UTS2: variants seen among roughly 807,000 people sequenced by gnomAD.
The protein encoded by UTS2 is urotensin 2.
Under a neutral mutation model 12.6 loss-of-function variants are expected in UTS2, and 10 were observed. That is an observed-to-expected ratio of 0.80 (90% CI 0.49 to 1.35). UTS2 has a LOEUF of 1.35. UTS2 is among the 40% of genes most tolerant of loss of function. The pLI is 0.00. For missense variants in UTS2, 142 were observed against 143.2 expected (o/e 0.99, Z 0.04); for synonymous variants, 52 against 50.0 (o/e 1.04, Z -0.17).
chr1:7,851,077 G>C lies in UTS2; in HGVS notation c.104-155C>G, dbSNP rs184753681. The stretch of plus-strand genomic sequence containing the variant: ...ACGTGTCATCAGTGGTATTCTAGAA[G>C]AGGTGGAAATGCTACCAGCCCGTGT... On this transcript the variant is annotated intron_variant, in intron 1 of 3. Coordinates refer to ENST00000361696, the MANE Select transcript of UTS2 (RefSeq NM_006786.4). 4.6e-4 allele frequency among the ~76,000 whole-genome samples: 70 copies of C among 152,332 alleles called. 1 individual carries two copies. Among genetic ancestry groups the C allele is most frequent in the South Asian group, 1.0e-3 (5 of 4,824 alleles).
the UTS2 span, among the ~76,000 whole-genome samples, chr1:7,901,182 A>G: frequency 6.6e-6 from 1 of 152,218 alleles, no homozygotes; most frequent in Non-Finnish European, 1.5e-5. Context: ...GTAAGCTTTC[A>G]TTCTACATAG....
the UTS2 span, among the ~76,000 whole-genome samples, chr1:7,869,213 GA>G: frequency 6.6e-6 from 1 of 152,202 alleles, no homozygotes; most frequent in African/African-American, 2.4e-5. Context: ...CCTGCAATGG[GA>G]ACCCAGGTCT....
chr1:7,885,130 T>TCATC, the UTS2 span, among the ~76,000 whole-genome samples: 35,056 of 150,098 alleles, frequency 0.23, 4,530 homozygotes, highest in Middle Eastern at 0.35. Flanking sequence ...CACCCACCTA[T>TCATC]CATCCATCCA....
chr1:7,878,010 A>G, the UTS2 span, among the ~76,000 whole-genome samples: 1 of 152,172 alleles, frequency 6.6e-6, no homozygotes, highest in Admixed American at 6.6e-5. Flanking sequence ...TTAAACTGTC[A>G]AAAGTCAAAG....
At chr1:7,856,654 G>A (rs1578030861), upstream of UTS2, among the ~76,000 whole-genome samples, 2 of 40,546 alleles carry the variant, frequency 4.9e-5, no homozygotes, top group African/African-American at 2.1e-4. Flanking sequence ...GAAAGTGCTC[G>A]AATCACTTAA....
the UTS2 span, among the ~76,000 whole-genome samples, chr1:7,895,381 T>A: frequency 2.2e-3 from 327 of 149,656 alleles, 3 homozygotes; most frequent in African/African-American, 7.6e-3. Flanking sequence ...AAAAAATAAA[T>A]AAATAAATAA....
At chr1:7,891,701 A>G in the UTS2 span, among the ~76,000 whole-genome samples, 1,412 of 152,324 alleles carry the variant, frequency 9.3e-3, 21 homozygotes, top group Admixed American at 0.016. Flanking sequence ...CACAATGTAT[A>G]GATATTCTAA....
the UTS2 span, among the ~76,000 whole-genome samples, chr1:7,895,018 G>T: frequency 3.9e-5 from 6 of 151,990 alleles, no homozygotes; most frequent in South Asian, 1.2e-3. Flanking sequence ...TGTTTAATTT[G>T]TATCTTCTTC....
intron 2 of UTS2, among the ~76,000 whole-genome samples, chr1:7,850,025 A>T (rs1578024816): frequency 6.7e-6 from 1 of 148,556 alleles, no homozygotes; most frequent in East Asian, 2.0e-4. Context: ...GCTGGAGTGC[A>T]GTGGTGAGAT....
At chr1:7,884,142 A>C in the UTS2 span, among the ~76,000 whole-genome samples, 1 of 152,050 alleles carries the variant, frequency 6.6e-6, no homozygotes, top group Non-Finnish European at 1.5e-5. Context: ...CTGAAACTGA[A>C]TCTGTAATAT....
chr1:7,862,996 T>G, the UTS2 span, among the ~76,000 whole-genome samples: 1 of 18,910 alleles, frequency 5.3e-5, no homozygotes, highest in East Asian at 1.2e-3. Context: ...TTGTGTTGTA[T>G]TGTATTGTAT....
chr1:7,866,569 G>A, the UTS2 span, among the ~76,000 whole-genome samples: 3 of 152,096 alleles, frequency 2.0e-5, no homozygotes, highest in African/African-American at 7.2e-5. The surrounding 1 kb of genome is among the most constrained non-coding windows in gnomAD (Gnocchi z 4.5). Context: ...TGGTGCTCTT[G>A]AGTCATACAG....
the UTS2 span, among the ~76,000 whole-genome samples, chr1:7,911,930 CTT>C: frequency 6.7e-6 from 1 of 150,320 alleles, no homozygotes; most frequent in African/African-American, 2.5e-5. Context: ...AGATGGAAGA[CTT>C]TTCTGTGGAT....
chr1:7,849,648 A>G lies in UTS2; in HGVS notation c.250T>C (p.Leu84=). 1.1e-5 allele frequency: 17 copies of G among 1,610,486 alleles called. No homozygotes were observed. Among genetic ancestry groups the G allele is most frequent in the Non-Finnish European group, 1.4e-5 (16 of 1,179,212 alleles). The part of the protein sequence containing the change: ...STNIFNPRGN[L]RKFQDFSGQD... ...TAAATAGAGTCACTTACCTTTCTCA[A>G]ATTTCCTCTTGGGTTAAAAATGTTG... Residue 84 remains leucine, a synonymous_variant, in exon 3 of 4, where the codon TTG becomes CTG. Coordinates refer to ENST00000361696, the MANE Select transcript of UTS2 (RefSeq NM_006786.4).
At chr1:7,865,444 A>G in the UTS2 span, among the ~76,000 whole-genome samples, 6 of 25,534 alleles carry the variant, frequency 2.3e-4, no homozygotes, top group Admixed American at 6.3e-4. Context: ...TCTGTCCGAT[A>G]CCATCTTCCC....
At chr1:7,887,827 C>G in the UTS2 span, among the ~76,000 whole-genome samples, 8 of 150,932 alleles carry the variant, frequency 5.3e-5, no homozygotes, top group African/African-American at 2.0e-4. Flanking sequence ...GAATTTAAAG[C>G]AGATTATAAG....
At chr1:7,904,346 G>C in the UTS2 span, among the ~76,000 whole-genome samples, 5 of 151,644 alleles carry the variant, frequency 3.3e-5, no homozygotes, top group African/African-American at 1.2e-4. Context: ...GCATGGTGGC[G>C]CATGCCTGTA....
chr1:7,873,138 G>C, the UTS2 span, among the ~76,000 whole-genome samples: 70 of 152,246 alleles, frequency 4.6e-4, no homozygotes, highest in Admixed American at 2.4e-3. Context: ...GTGACCTACT[G>C]CTCTAAAAAA....
At chr1:7,847,917 A>AAAACAG (rs770366340) in intron 3 of UTS2, 35 bp from the exon 4 acceptor site, 1 of 1,463,398 alleles carries the variant, frequency 6.8e-7, no homozygotes, top group Non-Finnish European at 9.5e-7. Context: ...ACAACAAAAA[A>AAAACAG]AAACAGATAA....
Sources: allele counts gnomAD v4.1 joint callset (sites outside exome capture counted in the v4.1 genomes callset), GRCh38; gene constraint gnomAD v4.1.1; non-coding constraint Gnocchi (gnomAD v3.1); transcripts MANE v1.5; gene names NCBI Gene and HGNC (gene_info 2026-07-23, HGNC 2026-07-21).